KIF11: variants seen among roughly 807,000 people sequenced by gnomAD.
KIF11 encodes the protein kinesin family member 11.
In KIF11, 9 loss-of-function variants were observed where a neutral mutation model predicts 121.0. The ratio of observed to expected loss-of-function variants is 0.07; its 90% confidence interval spans 0.04 to 0.13. The LOEUF (loss-of-function observed/expected upper bound fraction) is 0.13. Among genes scored for constraint, KIF11 ranks in the 10% least tolerant of loss-of-function variants. The pLI is 1.00. For synonymous variants in KIF11, 408 were observed against 421.0 expected (o/e 0.97, Z 0.38); for missense variants, 846 against 1,217.5 (o/e 0.69, Z 4.54).
Position 92,654,426 on chromosome 10 carries a change from A to G in KIF11, c.*630A>G, listed in dbSNP as rs1845022665. 6.6e-6 allele frequency: 1 copy of G among 152,234 alleles called. No homozygotes were observed. Among genetic ancestry groups the G allele is most frequent in the Non-Finnish European group, 1.5e-5 (1 of 68,040 alleles). 9.4% of individuals were successfully genotyped at this position (152,234 alleles called of 1,614,324 possible). ...TACTCTTCTCAGCTTGAGCTTACAT[A>G]GGTAAATATCACCAACATCTGTCCT... On this transcript the variant is annotated 3_prime_UTR_variant, in exon 22 of 22. Transcript: ENST00000260731.
intron 16 of KIF11, 29 bp downstream of exon 16, chr10:92,637,574 CAGAA>C: frequency 6.3e-7 from 1 of 1,576,946 alleles, no homozygotes; most frequent in Non-Finnish European, 8.6e-7. Flanking sequence ...TTGGGGAGTA[CAGAA>C]AGAGAGTTTT....
At chr10:92,644,782 A>G (rs149151163) in intron 17 of KIF11, among the ~76,000 whole-genome samples, 159 of 152,348 alleles carry the variant, frequency 1.0e-3, no homozygotes, top group African/African-American at 3.5e-3. Context: ...TTATAGGGCA[A>G]CTTACCGAGA....
intron 18 of KIF11, among the ~76,000 whole-genome samples, chr10:92,645,889 G>A (rs1408867602): frequency 6.7e-6 from 1 of 149,936 alleles, no homozygotes; most frequent in Non-Finnish European, 1.5e-5. Flanking sequence ...TTCTGACTTA[G>A]TAGTTTCTTC....
intron 15 of KIF11, 26 bp from the exon 16 acceptor site, chr10:92,637,357 AGAAG>A: frequency 2.5e-6 from 4 of 1,578,776 alleles, no homozygotes; most frequent in Non-Finnish European, 3.4e-6. Context: ...GTGTTGTTTA[AGAAG>A]GAAACTCATT....
intron 10 of KIF11, among the ~76,000 whole-genome samples, chr10:92,624,959 G>A (rs1253561920): frequency 6.6e-6 from 1 of 151,702 alleles, no homozygotes; most frequent in Non-Finnish European, 1.5e-5. Context: ...TAGTAGAGAT[G>A]GGGTTTCACC....
At chr10:92,612,942 C>T (rs1844513164) in intron 6 of KIF11, 98 bp from the exon 7 acceptor site, 4 of 661,486 alleles carry the variant, frequency 6.0e-6, no homozygotes, top group South Asian at 2.0e-5. Flanking sequence ...TTTCTCTACT[C>T]ATGTGGATTT....
chr10:92,648,127 G>T, intron 18 of KIF11, 85 bp from the exon 19 acceptor site: 2 of 919,532 alleles, frequency 2.2e-6, no homozygotes, highest in Non-Finnish European at 3.1e-6. Flanking sequence ...AAAAAATTAT[G>T]GAAAAGGTAA....
At chr10:92,624,876 TCTC>T (rs981747196) in intron 10 of KIF11, among the ~76,000 whole-genome samples, 2 of 151,368 alleles carry the variant, frequency 1.3e-5, no homozygotes, top group African/African-American at 4.9e-5. Context: ...TTCAAGCAAG[TCTC>T]CTACCTCCGC....
intron 10 of KIF11, among the ~76,000 whole-genome samples, chr10:92,627,773 A>G (rs190223125): frequency 2.0e-5 from 3 of 152,262 alleles, no homozygotes; most frequent in African/African-American, 4.8e-5. Context: ...GGCTTCCATC[A>G]GATATCATTC....
intron 9 of KIF11, among the ~76,000 whole-genome samples, chr10:92,617,646 C>T (rs1844571631): frequency 6.6e-6 from 1 of 152,138 alleles, no homozygotes; most frequent in African/African-American, 2.4e-5. Context: ...GCAATTTCTC[C>T]ACCTCCTCTT....
chr10:92,618,482 C>T lies in KIF11; in HGVS notation c.1128+1650C>T, dbSNP rs564814051. Among the ~76,000 whole-genome samples, 3 of 151,522 alleles carry T rather than the reference C, an allele frequency of 2.0e-5. No individual in the cohort carries two copies. In the South Asian group the frequency reaches 6.2e-4, roughly 32 times the overall value. On this transcript the variant is annotated intron_variant, in intron 9 of 21. Coordinates refer to ENST00000260731, the MANE Select transcript of KIF11 (RefSeq NM_004523.4). ...TAACATAGTGAAACCCTCATCTCTA[C>T]TAAAAATACAAAAATTAGCTGAGCG...
At chr10:92,609,891 TA>T (rs1458454611) in intron 6 of KIF11, among the ~76,000 whole-genome samples, 1 of 152,060 alleles carries the variant, frequency 6.6e-6, no homozygotes, top group African/African-American at 2.4e-5. Flanking sequence ...TGTCTGCCAC[TA>T]CGCCCAGCTA....
At chr10:92,619,796 C>T (rs1164532398) in intron 9 of KIF11, among the ~76,000 whole-genome samples, 2 of 150,760 alleles carry the variant, frequency 1.3e-5, no homozygotes, top group Admixed American at 6.6e-5. Flanking sequence ...GTATATATAG[C>T]ATATACATAT....
chr10:92,639,916 A>G lies in KIF11; in HGVS notation c.2267+16A>G. 7.3e-7 allele frequency: 1 copy of G among 1,362,554 alleles called. No individual in the cohort carries two copies. The allele number at this position is 1,362,554 out of a possible 1,614,324, so 84.4% of individuals were successfully genotyped here. A position where few individuals can be genotyped will look rare whatever the true frequency, so the allele number is the denominator to read the frequency against. On this transcript the variant is annotated intron_variant, in intron 17 of 21. Transcript: ENST00000260731. Reference sequence around the variant, plus strand: ...ATATACAGCAGTAAGCTATTTTTAAATTCTCTTAAACTTTTCTGTAAGTCT... The same window carrying G: ...ATATACAGCAGTAAGCTATTTTTAAGTTCTCTTAAACTTTTCTGTAAGTCT...
At chr10:92,626,948 G>C (rs992126338) in intron 10 of KIF11, among the ~76,000 whole-genome samples, 2 of 152,076 alleles carry the variant, frequency 1.3e-5, no homozygotes, top group African/African-American at 4.8e-5. Flanking sequence ...TATTTTAGTA[G>C]AGACAGGGTT....
chr10:92,650,097 A>G (rs905641926), intron 20 of KIF11, 111 bp downstream of exon 20: 1 of 777,890 alleles, frequency 1.3e-6, no homozygotes. Context: ...CCCGCCTCTC[A>G]TTAATGATAG....
chr10:92,651,505 TTG>T (rs1282758524), intron 21 of KIF11, among the ~76,000 whole-genome samples: 22 of 70,698 alleles, frequency 3.1e-4, no homozygotes, highest in East Asian at 1.4e-3. Flanking sequence ...CTGGCTAATT[TTG>T]TTTTTTTTTT....
rs1486299234 is a variant in KIF11, at chr10:92,631,582, C to T, written c.1495-904C>T. 2.7e-5 allele frequency among the ~76,000 whole-genome samples: 4 copies of T among 150,792 alleles called. No individual in the cohort carries two copies. In the East Asian group the frequency reaches 5.9e-4, roughly 22 times the overall value. On this transcript the variant is annotated intron_variant, in intron 12 of 21. Transcript: ENST00000260731. ...TTCACCTTGTTAGCCAGGATGGTCTCGATCTCCTGACCTCATGATCCACCC... is the reference window on the plus strand; with the variant it reads ...TTCACCTTGTTAGCCAGGATGGTCTTGATCTCCTGACCTCATGATCCACCC...
chr10:92,599,984 T>TTTATTA (rs199888219), intron 1 of KIF11, among the ~76,000 whole-genome samples: 2,759 of 142,916 alleles, frequency 0.019, 42 homozygotes, highest in Admixed American at 0.044. Context: ...TGAACTTCTG[T>TTTATTA]TTATTATTAT....
Sources: allele counts gnomAD v4.1 joint callset (sites outside exome capture counted in the v4.1 genomes callset), GRCh38; gene constraint gnomAD v4.1.1; transcripts MANE v1.5; gene names NCBI Gene and HGNC (gene_info 2026-07-23, HGNC 2026-07-21).